LHFPL3: variants seen among roughly 807,000 people sequenced by gnomAD.
LHFPL3 encodes LHFPL tetraspan subfamily member 3, also known as LHFPL tetraspan subfamily member 3 protein.
In LHFPL3, 5 loss-of-function variants were observed where a neutral mutation model predicts 19.3. The observed-to-expected ratio is 0.26, with a 90% CI of 0.14 to 0.54. The LOEUF is 0.54. LHFPL3 is among the 20% of genes least tolerant of loss of function. The pLI, the probability that LHFPL3 is intolerant of heterozygous loss-of-function variation, is 0.94. For missense variants in LHFPL3, 249 were observed against 307.4 expected, an observed-to-expected ratio of 0.81 and a Z score of 1.42; for synonymous variants, 133 against 126.2, an observed-to-expected ratio of 1.05 and a Z score of -0.36.
At chr7:104,843,577 G>A (rs1281801892) in intron 2 of LHFPL3, among the ~76,000 whole-genome samples, 1 of 152,192 alleles carries the variant, frequency 6.6e-6, no homozygotes, top group Non-Finnish European at 1.5e-5. Context: ...AATCAATTGA[G>A]TCACTTCATC....
intron 1 of LHFPL3, among the ~76,000 whole-genome samples, chr7:104,565,441 G>A (rs767458396): frequency 8.5e-5 from 13 of 152,170 alleles, no homozygotes; most frequent in Non-Finnish European, 1.6e-4. Flanking sequence ...TGGTCTATTA[G>A]TTAAATTGGT....
chr7:104,475,347 T>C (rs911592298), intron 1 of LHFPL3, among the ~76,000 whole-genome samples: 1 of 152,168 alleles, frequency 6.6e-6, no homozygotes, highest in African/African-American at 2.4e-5. Flanking sequence ...TTTAACCTTT[T>C]AACTAAACCA....
At chr7:104,769,289 C>T (rs1435350703) in intron 2 of LHFPL3, among the ~76,000 whole-genome samples, 1 of 152,166 alleles carries the variant, frequency 6.6e-6, no homozygotes, top group Non-Finnish European at 1.5e-5. Flanking sequence ...TTCAGCAAAA[C>T]ATTAATGTCC....
intron 1 of LHFPL3, among the ~76,000 whole-genome samples, chr7:104,333,749 C>T (rs537822266): frequency 2.0e-5 from 3 of 152,336 alleles, no homozygotes; most frequent in Middle Eastern, 3.4e-3. Flanking sequence ...CTCCTGTTTT[C>T]TTATAGATCT....
intron 1 of LHFPL3, among the ~76,000 whole-genome samples, chr7:104,492,300 C>A (rs1793374025): frequency 6.6e-6 from 1 of 152,134 alleles, no homozygotes; most frequent in Non-Finnish European, 1.5e-5. Context: ...ATAATAGCAA[C>A]AGAACGGTGG....
chr7:104,618,231 A>T (rs887539805), intron 1 of LHFPL3, among the ~76,000 whole-genome samples: 2 of 152,234 alleles, frequency 1.3e-5, no homozygotes, highest in Admixed American at 6.5e-5. Context: ...AAAAATGAAG[A>T]ATAATGACAT....
chr7:104,354,663 A>C (rs1048938543), intron 1 of LHFPL3, among the ~76,000 whole-genome samples: 1 of 152,138 alleles, frequency 6.6e-6, no homozygotes, highest in African/African-American at 2.4e-5. Context: ...TTGTTAGTTG[A>C]ACTTTTTCTA....
intron 2 of LHFPL3, among the ~76,000 whole-genome samples, chr7:104,829,271 A>T (rs1790887135): frequency 6.6e-6 from 1 of 151,860 alleles, no homozygotes; most frequent in African/African-American, 2.4e-5. Context: ...AAGAGAGTAG[A>T]AAAAAAGTAA....
chr7:104,693,442 A>G (rs1205986955), intron 1 of LHFPL3, among the ~76,000 whole-genome samples: 1 of 152,164 alleles, frequency 6.6e-6, no homozygotes, highest in Non-Finnish European at 1.5e-5. Context: ...TTCTAATCCC[A>G]TAATCCCTAT....
intron 1 of LHFPL3, among the ~76,000 whole-genome samples, chr7:104,511,226 G>A (rs1793807397): frequency 6.6e-6 from 1 of 152,108 alleles, no homozygotes; most frequent in African/African-American, 2.4e-5. Flanking sequence ...AATGTCATAA[G>A]CTGTTAGTGA....
At chr7:104,868,246 A>G (rs964509732) in intron 2 of LHFPL3, among the ~76,000 whole-genome samples, 14 of 152,260 alleles carry the variant, frequency 9.2e-5, no homozygotes, top group Non-Finnish European at 7.4e-5. Context: ...AGGCAGGAGA[A>G]GGAAATAAAG....
At chr7:104,485,198 A>T (rs566968307) in intron 1 of LHFPL3, among the ~76,000 whole-genome samples, 1 of 152,204 alleles carries the variant, frequency 6.6e-6, no homozygotes, top group African/African-American at 2.4e-5. Flanking sequence ...TTTCCTAGGC[A>T]TGATGTTGAC....
At chr7:104,676,639 T>G (rs1158016007) in intron 1 of LHFPL3, among the ~76,000 whole-genome samples, 1 of 152,254 alleles carries the variant, frequency 6.6e-6, no homozygotes, top group African/African-American at 2.4e-5. Context: ...GAAATAGCAC[T>G]GGTAAATACT....
At position 104,677,651 on chromosome 7, in the gene LHFPL3, T is replaced by C. The variant is rs994080640; in HGVS notation, c.446-59024T>C. On this transcript the variant is annotated intron_variant, in intron 1 of 2. Coordinates refer to ENST00000424859, the MANE Select transcript of LHFPL3 (RefSeq NM_199000.3). The stretch of plus-strand genomic sequence containing the variant: ...CAGAAGCAACATTCTAGGGCAGTCC[T>C]GTCCGCTGGAACTTTCTGCAATGAT... Among the ~76,000 whole-genome samples the C allele has an allele frequency of 3.9e-5, 6 of 152,344 alleles. No homozygotes were observed. In the East Asian group the frequency reaches 9.7e-4, roughly 25 times the overall value.
chr7:104,729,940 C>T (rs960776471), intron 1 of LHFPL3, among the ~76,000 whole-genome samples: 3 of 151,872 alleles, frequency 2.0e-5, no homozygotes, highest in African/African-American at 4.8e-5. Context: ...GTTCCCCTTC[C>T]TGTGTCCAAG....
chr7:104,898,954 T>C (rs760734628), intron 2 of LHFPL3, among the ~76,000 whole-genome samples: 13 of 151,192 alleles, frequency 8.6e-5, no homozygotes, highest in Non-Finnish European at 1.8e-4. Flanking sequence ...TCTACAAAAA[T>C]TAGCCAGGCA....
chr7:104,631,514 A>G (rs183770128), intron 1 of LHFPL3, among the ~76,000 whole-genome samples: 9 of 152,330 alleles, frequency 5.9e-5, no homozygotes, highest in Non-Finnish European at 1.0e-4. Flanking sequence ...AGTTTTTGTG[A>G]AAAAGACTGG....
At position 104,595,649 on chromosome 7, in the gene LHFPL3, C is replaced by T. The variant is rs149388833; in HGVS notation, c.446-141026C>T. Among the ~76,000 whole-genome samples, 268 of 152,358 alleles carry T rather than the reference C, an allele frequency of 1.8e-3. 1 individual carries two copies. Among genetic ancestry groups the T allele is most frequent in the African/African-American group, 5.8e-3 (241 of 41,588 alleles). ...AGAAGTTGTCTGCTGCCTTTTGTTCCGCTATGCCCTACCCACAGAGGTGGA... is the reference window on the plus strand; with the variant it reads ...AGAAGTTGTCTGCTGCCTTTTGTTCTGCTATGCCCTACCCACAGAGGTGGA... On this transcript the variant is annotated intron_variant, in intron 1 of 2. Transcript: ENST00000424859.
rs58272556 is a variant in LHFPL3, at chr7:104,438,392, C to T, written c.445+109168C>T. ...TACACTTGCACAGGTTTCAGTAAAA[C>T]ACTATTCTCATAAAATAATTCATGC... On this transcript the variant is annotated intron_variant, in intron 1 of 2. Transcript: ENST00000424859. Among the ~76,000 whole-genome samples the T allele has an allele frequency of 0.01, 1,581 of 152,316 alleles. 61 individuals are homozygous for T. The East Asian group carries it at 0.15, about 14-fold the overall frequency.
Sources: allele counts gnomAD v4.1 joint callset (sites outside exome capture counted in the v4.1 genomes callset), GRCh38; gene constraint gnomAD v4.1.1; transcripts MANE v1.5; gene names NCBI Gene and HGNC (gene_info 2026-07-23, HGNC 2026-07-21).